The following NAA25 variants were observed in gnomAD, a reference collection of about 807,000 sequenced individuals.
The protein encoded by NAA25 is N-alpha-acetyltransferase 25, NatB auxiliary subunit.
NAA25 carries 30 observed loss-of-function variants against 132.5 expected under a neutral mutation model. The ratio of observed to expected loss-of-function variants is 0.23; its 90% CI spans 0.17 to 0.31. The LOEUF is 0.31. Among genes scored for constraint, NAA25 ranks in the 10% least tolerant of loss-of-function variants. The pLI is 1.00. For synonymous variants in NAA25, 359 were observed against 401.9 expected (o/e 0.89, Z 1.28); for missense variants, 771 against 1,150.4 (o/e 0.67, Z 4.77).
intron 3 of NAA25, 23 bp from the exon 4 acceptor site, chr12:112,087,824 T>C: frequency 6.8e-7 from 1 of 1,474,138 alleles, no homozygotes; most frequent in Non-Finnish European, 9.5e-7. Context: ...GAAATAAGAT[T>C]TAAGTTATAC....
chr12:112,101,865 C>T (rs542201584), intron 1 of NAA25, among the ~76,000 whole-genome samples: 20 of 150,760 alleles, frequency 1.3e-4, no homozygotes, highest in African/African-American at 4.9e-4. Context: ...CAAATCTTTT[C>T]AACTTTTTTT....
chr12:112,084,835 G>A (rs990198913), intron 4 of NAA25, among the ~76,000 whole-genome samples: 4 of 151,818 alleles, frequency 2.6e-5, no homozygotes, highest in African/African-American at 7.3e-5. Flanking sequence ...AGTGGCTCAC[G>A]CCTGTAATCC....
chr12:112,106,468 T>C (rs1307750600), intron 1 of NAA25, among the ~76,000 whole-genome samples: 1 of 152,120 alleles, frequency 6.6e-6, no homozygotes, highest in African/African-American at 2.4e-5. Flanking sequence ...GATTCAGTTC[T>C]CACCTTCCAT....
In NAA25 at chr12:112,049,014, AT is replaced by A; in HGVS notation, c.1729-572del. Among the ~76,000 whole-genome samples the A allele has an allele frequency of 6.6e-6, 1 of 152,008 alleles. No homozygotes were observed. Among genetic ancestry groups the A allele is most frequent in the East Asian group, 1.9e-4 (1 of 5,196 alleles). On this transcript the variant is annotated intron_variant, in intron 15 of 23. Transcript: ENST00000261745. This position sits in a 1 kb window ranked among gnomAD's most constrained non-coding sequence, Gnocchi z 4.7. ...AAGTAAGACACCAAACAAAAGACCT[AT>A]CAAAATTCATGTCATAATCTATTCT...
chr12:112,054,665 C>G, intron 13 of NAA25, 97 bp from the exon 14 acceptor site: 1 of 1,104,720 alleles, frequency 9.1e-7, no homozygotes, highest in Admixed American at 2.8e-5. Flanking sequence ...TCACCCCCCC[C>G]AATAAATGAA....
chr12:112,046,019 A>G (rs1265129253), intron 17 of NAA25, among the ~76,000 whole-genome samples: 1 of 152,186 alleles, frequency 6.6e-6, no homozygotes, highest in Non-Finnish European at 1.5e-5. Flanking sequence ...GCCTGCAGCT[A>G]TTATCGTTAG....
intron 1 of NAA25, among the ~76,000 whole-genome samples, chr12:112,095,798 T>C (rs1210874873): frequency 6.6e-6 from 1 of 152,114 alleles, no homozygotes; most frequent in East Asian, 1.9e-4. Flanking sequence ...ATACAGATAG[T>C]AAAATCATCA....
At chr12:112,053,840 A>AAAC (rs2078504380) in intron 14 of NAA25, among the ~76,000 whole-genome samples, 183 bp from the exon 15 acceptor site, 1 of 151,656 alleles carries the variant, frequency 6.6e-6, no homozygotes, top group African/African-American at 2.4e-5. Flanking sequence ...AAAAAAAAAA[A>AAAC]AGCCAAAAGT....
At chr12:112,062,241 A>G (rs2078641775) in intron 11 of NAA25, among the ~76,000 whole-genome samples, 3 of 151,956 alleles carry the variant, frequency 2.0e-5, no homozygotes. Flanking sequence ...TACTAAAAAT[A>G]CACAAAAAAA....
chr12:112,097,785 T>G (rs2079235903), intron 1 of NAA25, among the ~76,000 whole-genome samples: 1 of 151,980 alleles, frequency 6.6e-6, no homozygotes, highest in Non-Finnish European at 1.5e-5. Context: ...GTCAACATGT[T>G]GGGTTCTGGG....
At chr12:112,095,450 T>A (rs1367513095) in intron 1 of NAA25, among the ~76,000 whole-genome samples, 1 of 148,718 alleles carries the variant, frequency 6.7e-6, no homozygotes, top group Non-Finnish European at 1.5e-5. Context: ...AAAAAAAGAA[T>A]TAAAAAAATT....
At chr12:112,081,246 C>T in intron 4 of NAA25, 112 bp from the exon 5 acceptor site, 1 of 830,426 alleles carries the variant, frequency 1.2e-6, no homozygotes, top group Non-Finnish European at 2.0e-6. Context: ...TTTACATATC[C>T]CAGTTAGTGT....
At chr12:112,068,052 T>C (rs930513699) in intron 11 of NAA25, among the ~76,000 whole-genome samples, 9 of 152,216 alleles carry the variant, frequency 5.9e-5, no homozygotes, top group African/African-American at 2.2e-4. Context: ...TTTTTCTTTT[T>C]TTAAGAGACA....
chr12:112,077,150 C>G (rs2078905035), intron 7 of NAA25, among the ~76,000 whole-genome samples: 1 of 151,758 alleles, frequency 6.6e-6, no homozygotes, highest in African/African-American at 2.4e-5. Context: ...CTAGGAAATA[C>G]TATTTAGTTA....
intron 3 of NAA25, 72 bp from the exon 4 acceptor site, chr12:112,087,873 T>G (rs528749940): frequency 9.1e-6 from 9 of 985,620 alleles, no homozygotes; most frequent in Middle Eastern, 2.3e-4. Context: ...TTCTTCCTAT[T>G]TGGCAGAAAT....
At chr12:112,054,259 G>A (rs1463841506) in intron 14 of NAA25, 129 bp downstream of exon 14, 4 of 813,358 alleles carry the variant, frequency 4.9e-6, no homozygotes, top group Non-Finnish European at 7.6e-6. Context: ...GTTTGCAATG[G>A]ATCATAACAG....
chr12:112,028,167 T>C lies in NAA25; in HGVS notation c.*1364A>G, dbSNP rs533537033. 2 of 152,338 alleles carry C rather than the reference T, an allele frequency of 1.3e-5. No homozygotes were observed. The highest frequency in any genetic ancestry group is 4.1e-4 in the South Asian group (2 of 4,826). 9.4% of individuals were successfully genotyped at this position (152,338 alleles called of 1,614,324 possible). A position where few individuals can be genotyped will look rare whatever the true frequency, so the allele number is the denominator to read the frequency against. Reference sequence around the variant, plus strand: ...CCACATTTCACTGGAGCAGTGCAGGTTGGAAAGCACCTTTAAGGTCTTCAA... The same window carrying C: ...CCACATTTCACTGGAGCAGTGCAGGCTGGAAAGCACCTTTAAGGTCTTCAA... On this transcript the variant is annotated 3_prime_UTR_variant, in exon 24 of 24. Coordinates refer to ENST00000261745, the MANE Select transcript of NAA25 (RefSeq NM_024953.4).
At chr12:112,054,298 T>C in intron 14 of NAA25, 90 bp downstream of exon 14, 1 of 1,176,614 alleles carries the variant, frequency 8.5e-7, no homozygotes, top group Non-Finnish European at 1.2e-6. Context: ...AGGCTTAATG[T>C]CACAATCAAC....
In NAA25 at chr12:112,039,347, G is replaced by C. The variant is rs766493262; in HGVS notation, c.2539-8C>G. ...AAGGATAACAGAAATAGTCTGAAAGGAAAAATTGCAAATTCACCAATAAGG... is the reference window on the plus strand; with the variant it reads ...AAGGATAACAGAAATAGTCTGAAAGCAAAAATTGCAAATTCACCAATAAGG... On this transcript the variant is annotated splice_polypyrimidine_tract_variant and splice_region_variant and intron_variant, in intron 21 of 23. Coordinates refer to ENST00000261745, the MANE Select transcript of NAA25 (RefSeq NM_024953.4). 2 of 1,548,894 alleles carry C rather than the reference G, an allele frequency of 1.3e-6. No individual in the cohort carries two copies.
Sources: gnomAD v4.1 joint callset for allele counts (sites outside exome capture counted in the v4.1 genomes callset) on GRCh38, gnomAD v4.1.1 for gene constraint, Gnocchi (gnomAD v3.1) non-coding constraint, MANE v1.5 for transcripts, NCBI Gene and HGNC (gene_info 2026-07-23, HGNC 2026-07-21) for gene names.